Variants in AAK1 observed in about 807,000 individuals in gnomAD.
The protein encoded by AAK1 is AP2-associated protein kinase 1.
A neutral mutation model predicts 116.0 loss-of-function variants in AAK1; 37 were observed. The observed-to-expected ratio is 0.32, with a 90% CI of 0.25 to 0.42. The LOEUF (loss-of-function observed/expected upper bound fraction) is 0.42, where lower values mean the gene tolerates loss of function less well. AAK1 is among the 10% of genes least tolerant of loss of function. The pLI is 1.00. For missense variants in AAK1, 919 were observed against 1,170.6 expected, an observed-to-expected ratio of 0.79 and a Z score of 3.14; for synonymous variants, 458 against 439.9, an observed-to-expected ratio of 1.04 and a Z score of -0.51.
intron 16 of AAK1, among the ~76,000 whole-genome samples, chr2:69,499,428 TC>T (rs1208162894): frequency 6.6e-6 from 1 of 152,038 alleles, no homozygotes; most frequent in Non-Finnish European, 1.5e-5. Context: ...GACTTTCACT[TC>T]CCCCAACCTG....
chr2:69,471,977 G>A lies in AAK1; in HGVS notation c.*3892C>T. 1 of 985,276 alleles carries A rather than the reference G, an allele frequency of 1.0e-6. No individual in the cohort carries two copies. The highest frequency in any genetic ancestry group is 1.2e-6 in the Non-Finnish European group (1 of 829,786). The allele number at this position is 985,276 out of a possible 1,614,324, so 61.0% of individuals were successfully genotyped here. A position where few individuals can be genotyped will look rare whatever the true frequency, so the allele number is the denominator to read the frequency against. On this transcript the variant is annotated 3_prime_UTR_variant, in exon 22 of 22. Coordinates refer to ENST00000409085, the MANE Select transcript of AAK1 (RefSeq NM_014911.5). Reference sequence around the variant, plus strand: ...TTTTCCACAAGTATTAGCAATCCAAGTTGTGTAATTCTAATTCAGGAAGAG... The same window carrying A: ...TTTTCCACAAGTATTAGCAATCCAAATTGTGTAATTCTAATTCAGGAAGAG...
chr2:69,467,679 C>G lies in AAK1; in HGVS notation c.*8190G>C, dbSNP rs919596201. The stretch of plus-strand genomic sequence containing the variant: ...GGAACTCAATGATCCCCTTCCCATA[C>G]TGACCCTCTCCCCTCCTATGCAAAC... On this transcript the variant is annotated 3_prime_UTR_variant, in exon 22 of 22. Transcript: ENST00000409085. 1.0e-6 allele frequency: 1 copy of G among 985,314 alleles called. No individual in the cohort carries two copies. Among genetic ancestry groups the G allele is most frequent in the Non-Finnish European group, 1.2e-6 (1 of 829,936 alleles). The allele number at this position is 985,314 out of a possible 1,614,324, so 61.0% of individuals were successfully genotyped here.
chr2:69,585,683 T>C (rs907975562), intron 2 of AAK1, among the ~76,000 whole-genome samples: 10 of 152,172 alleles, frequency 6.6e-5, no homozygotes, highest in East Asian at 3.9e-4. Flanking sequence ...TAAGAATCAC[T>C]TACCCAAAAA....
At chr2:69,546,628 TG>T (rs960983795) in intron 3 of AAK1, among the ~76,000 whole-genome samples, 13 of 152,198 alleles carry the variant, frequency 8.5e-5, no homozygotes, top group African/African-American at 3.1e-4. Flanking sequence ...ATAAAGCATC[TG>T]GAAAAAAGCA....
chr2:69,637,635 A>C (rs557791866), intron 2 of AAK1, among the ~76,000 whole-genome samples: 2 of 152,206 alleles, frequency 1.3e-5, no homozygotes, highest in Non-Finnish European at 2.9e-5. Context: ...TGCGGATGTC[A>C]CAGTTACCTC....
intron 2 of AAK1, among the ~76,000 whole-genome samples, chr2:69,620,676 G>A (rs1009704162): frequency 6.6e-5 from 10 of 152,118 alleles, no homozygotes; most frequent in African/African-American, 2.2e-4. Flanking sequence ...TGGATCCCAT[G>A]TCTGCGAGAC....
rs1675727683 is a variant in AAK1 at position 69,496,078 on chromosome 2, C to T, written c.2272G>A (p.Glu758Lys). The T allele has an allele frequency of 1.3e-6, 2 of 1,553,150 alleles. No individual in the cohort carries two copies. The highest frequency in any genetic ancestry group is 1.7e-6 in the Non-Finnish European group (2 of 1,147,876). Residue 758 changes from glutamate to lysine, a missense_variant and splice_region_variant, in exon 17 of 22, where the codon GAA (glutamate) becomes AAA (lysine). Transcript: ENST00000409085. ...ACAGTCTGCCCACCCTTCCTTTTTT[C>T]AGCTGGAGTTAGGTTGGAGGGGAAG... ...ATTSFSAGTA[E>K]KRKGGQTVDS...
chr2:69,538,096 G>C (rs112888847), intron 5 of AAK1, among the ~76,000 whole-genome samples: 2 of 152,188 alleles, frequency 1.3e-5, no homozygotes, highest in African/African-American at 4.8e-5. Flanking sequence ...CACTGATAAG[G>C]GGGGACAACT....
chr2:69,584,811 T>A (rs1572980010), intron 2 of AAK1, among the ~76,000 whole-genome samples: 1 of 152,154 alleles, frequency 6.6e-6, no homozygotes. Flanking sequence ...GAGACCTCGA[T>A]TACTCACCAG....
intron 16 of AAK1, among the ~76,000 whole-genome samples, chr2:69,504,301 G>A (rs1243962596): frequency 2.0e-5 from 3 of 149,952 alleles, no homozygotes; most frequent in Non-Finnish European, 4.4e-5. Flanking sequence ...AGAGGCTTGA[G>A]GCATGAGAAT....
intron 2 of AAK1, among the ~76,000 whole-genome samples, chr2:69,613,460 G>T (rs996806110): frequency 6.6e-6 from 1 of 152,136 alleles, no homozygotes; most frequent in African/African-American, 2.4e-5. Context: ...TAGTGGCTGG[G>T]CTTCCTAGGT....
intron 2 of AAK1, among the ~76,000 whole-genome samples, chr2:69,581,362 C>T (rs1672534667): frequency 6.6e-6 from 1 of 152,180 alleles, no homozygotes; most frequent in Non-Finnish European, 1.5e-5. Context: ...TCCCAAAGTG[C>T]TGGAATTACA....
intron 11 of AAK1, among the ~76,000 whole-genome samples, chr2:69,519,723 A>C (rs1053982689): frequency 6.6e-6 from 1 of 152,230 alleles, no homozygotes; most frequent in Admixed American, 6.5e-5. Context: ...GATATTTTGG[A>C]TCAATCCTTT....
chr2:69,472,295 G>T lies in AAK1; in HGVS notation c.*3574C>A. ...GGCTAAATGTTACTCAGAACCAAGAGTAGTAGAAAAAGTAGACAAAGAAAG... is the reference window on the plus strand; with the variant it reads ...GGCTAAATGTTACTCAGAACCAAGATTAGTAGAAAAAGTAGACAAAGAAAG... On this transcript the variant is annotated 3_prime_UTR_variant, in exon 22 of 22. Transcript: ENST00000409085. 2.4e-6 allele frequency: 1 copy of T among 422,408 alleles called. No homozygotes were observed. The highest frequency in any genetic ancestry group is 3.2e-6 in the Non-Finnish European group (1 of 315,608). The allele number at this position is 422,408 out of a possible 1,614,324, so 26.2% of individuals were successfully genotyped here. A position where few individuals can be genotyped will look rare whatever the true frequency, so the allele number is the denominator to read the frequency against.
rs374505619 is a variant in AAK1 at position 69,509,200 on chromosome 2, G to A, written c.2006+31C>T. 4.6e-5 allele frequency: 73 copies of A among 1,601,410 alleles called. 3 individuals are homozygous for A. In the South Asian group the frequency reaches 6.9e-4, roughly 15 times the overall value. ...CCGCAGGCAGACTTTGCCCACAGAGGTAAGAACAACAAAGAGGAAGCACCA... is the reference window on the plus strand; with the variant it reads ...CCGCAGGCAGACTTTGCCCACAGAGATAAGAACAACAAAGAGGAAGCACCA... On this transcript the variant is annotated intron_variant, in intron 14 of 21. Transcript: ENST00000409085.
At chr2:69,491,192 G>A (rs375953482) in intron 17 of AAK1, among the ~76,000 whole-genome samples, 5 of 151,926 alleles carry the variant, frequency 3.3e-5, no homozygotes, top group South Asian at 4.2e-4. Context: ...TGATCCTTTC[G>A]CCTTGGCCCC....
chr2:69,629,143 G>A (rs1675047821), intron 2 of AAK1, among the ~76,000 whole-genome samples: 1 of 152,088 alleles, frequency 6.6e-6, no homozygotes, highest in African/African-American at 2.4e-5. Flanking sequence ...TCCTTTTCTG[G>A]CTGGACCTGG....
intron 2 of AAK1, among the ~76,000 whole-genome samples, chr2:69,626,501 TA>T (rs1203235143): frequency 4.2e-5 from 6 of 143,348 alleles, no homozygotes; most frequent in Non-Finnish European, 5.9e-5. Context: ...TAATTATTAT[TA>T]TTATTATTTT....
At chr2:69,551,048 G>GT (rs201943594) in intron 3 of AAK1, among the ~76,000 whole-genome samples, 2,806 of 148,684 alleles carry the variant, frequency 0.019, 67 homozygotes, top group Admixed American at 0.047. Context: ...TGCTTCCTGT[G>GT]TTTTTTTTTC....
Sources: gnomAD v4.1 joint callset for allele counts (sites outside exome capture counted in the v4.1 genomes callset) on GRCh38, gnomAD v4.1.1 for gene constraint, MANE v1.5 for transcripts, NCBI Gene and HGNC (gene_info 2026-07-23, HGNC 2026-07-21) for gene names.